JAK2: variants seen among roughly 807,000 people sequenced by gnomAD.
JAK2 encodes Janus kinase 2, also known as tyrosine-protein kinase JAK2.
JAK2 carries 86 observed loss-of-function variants against 139.3 expected under a neutral mutation model. The ratio of observed to expected loss-of-function variants is 0.62; its 90% CI spans 0.52 to 0.74. The LOEUF (loss-of-function observed/expected upper bound fraction) is 0.74, where lower values mean the gene tolerates loss of function less well. Among genes scored for constraint, JAK2 ranks in the 30% least tolerant of loss-of-function variants. JAK2 has a pLI of 0.00. For missense variants in JAK2, 1,421 were observed against 1,360.3 expected (o/e 1.04, Z -0.70); for synonymous variants, 490 against 437.7 (o/e 1.12, Z -1.49).
At chr9:5,122,429 C>A (rs529521103) in intron 22 of JAK2, among the ~76,000 whole-genome samples, 1 of 152,132 alleles carries the variant, frequency 6.6e-6, no homozygotes, top group East Asian at 1.9e-4. Context: ...TTTTCTCCAG[C>A]ATATTTATAT....
chr9:5,111,338 G>A (rs2130798133), intron 22 of JAK2: 1 of 427,074 alleles, frequency 2.3e-6, no homozygotes, highest in East Asian at 5.6e-5. Flanking sequence ...CCTCAGGCAT[G>A]AAGGGGACCT....
chr9:5,063,006 T>C (rs1818293844), intron 8 of JAK2, among the ~76,000 whole-genome samples: 1 of 152,186 alleles, frequency 6.6e-6, no homozygotes, highest in Admixed American at 6.5e-5. Context: ...CTTTTAATTT[T>C]GTTTAGGATA....
intron 19 of JAK2, among the ~76,000 whole-genome samples, chr9:5,089,370 C>G (rs926766214): frequency 6.6e-6 from 1 of 151,926 alleles, no homozygotes; most frequent in Non-Finnish European, 1.5e-5. Flanking sequence ...AACCCTGTCT[C>G]TACTAAATAT....
chr9:5,067,666 ATATTT>A (rs1818661102), intron 10 of JAK2, among the ~76,000 whole-genome samples: 1 of 151,882 alleles, frequency 6.6e-6, no homozygotes, highest in African/African-American at 2.4e-5. Context: ...ATATATATAT[ATATTT>A]TATGTTCACT....
intron 4 of JAK2, among the ~76,000 whole-genome samples, chr9:5,039,994 G>A (rs1377083577): frequency 1.3e-5 from 2 of 152,102 alleles, no homozygotes; most frequent in African/African-American, 2.4e-5. Flanking sequence ...AAGGGACTTA[G>A]CATAGCTAAA....
intron 18 of JAK2, among the ~76,000 whole-genome samples, chr9:5,081,393 G>C (rs1468937326): frequency 1.3e-5 from 2 of 152,022 alleles, no homozygotes; most frequent in Non-Finnish European, 2.9e-5. Flanking sequence ...ATACTGAGCT[G>C]AAATGCATGT....
Position 5,078,341 on chromosome 9 carries a change from C to T in JAK2, c.2028C>T (p.Ala676=), listed in dbSNP as rs773256302. The T allele has an allele frequency of 6.2e-7, 1 of 1,611,998 alleles. No individual in the cohort carries two copies. The highest frequency in any genetic ancestry group is 8.5e-7 in the Non-Finnish European group (1 of 1,178,628). The change falls in exon 16 of 25, where the codon GCC becomes GCT. Residue 676 remains alanine (A), a synonymous_variant. Coordinates refer to ENST00000381652, the MANE Select transcript of JAK2 (RefSeq NM_004972.4). ...ENTLIHGNVC[A]KNILLIREED... ...CCCTTATTCATGGGAATGTATGTGCCAAAAATATTCTGCTTATCAGAGAAG... is the reference window on the plus strand; with the variant it reads ...CCCTTATTCATGGGAATGTATGTGCTAAAAATATTCTGCTTATCAGAGAAG...
chr9:5,122,698 G>C (rs962689307), intron 22 of JAK2, among the ~76,000 whole-genome samples: 4 of 151,866 alleles, frequency 2.6e-5, no homozygotes, highest in Non-Finnish European at 4.4e-5. Context: ...GGCACTCTCC[G>C]CCTGGCACAT....
intron 4 of JAK2, among the ~76,000 whole-genome samples, chr9:5,038,805 C>T (rs768285386): frequency 1.1e-4 from 16 of 152,038 alleles, no homozygotes; most frequent in Non-Finnish European, 2.1e-4. Flanking sequence ...AGATGAAATA[C>T]TATGACCAGG....
chr9:4,998,756 C>T (rs1487660935), intron 2 of JAK2, among the ~76,000 whole-genome samples: 1 of 151,214 alleles, frequency 6.6e-6, no homozygotes, highest in Non-Finnish European at 1.5e-5. Context: ...AAAAAAACAA[C>T]AAAAAACCAA....
At chr9:5,085,453 T>G (rs897276016) in intron 19 of JAK2, 4 of 735,132 alleles carry the variant, frequency 5.4e-6, no homozygotes, top group African/African-American at 5.2e-5. Context: ...CTTGAAGGTC[T>G]TTTCAAGGTA....
rs1302672595 is a variant in JAK2 at position 5,022,044 on chromosome 9, A to T, written c.57A>T (p.Ile19=). Residue 19 remains isoleucine (I), a synonymous_variant, in exon 3 of 25, where the codon ATA becomes ATT. Transcript: ENST00000381652. ...TGGAGGGAACATCCACCTCTTCTAT[A>T]TATCAGAATGGTGATATTTCTGGAA... ...TEMEGTSTSS[I]YQNGDISGNA... is the part of the protein sequence containing the mutation. 2 of 1,614,172 alleles carry T rather than the reference A, an allele frequency of 1.2e-6. No individual in the cohort carries two copies. The highest frequency in any genetic ancestry group is 1.6e-4 in the Middle Eastern group (1 of 6,062).
At chr9:5,059,910 T>C (rs1009060879) in intron 8 of JAK2, among the ~76,000 whole-genome samples, 1 of 152,212 alleles carries the variant, frequency 6.6e-6, no homozygotes, top group African/African-American at 2.4e-5. Context: ...TTCTGATCAA[T>C]CTGTAGAGTC....
chr9:5,061,893 G>C (rs1818202443), intron 8 of JAK2, among the ~76,000 whole-genome samples: 1 of 152,154 alleles, frequency 6.6e-6, no homozygotes, highest in African/African-American at 2.4e-5. Flanking sequence ...AATACTCAGT[G>C]GTCATTGTAG....
In JAK2 at chr9:5,054,972, T is replaced by A; in HGVS notation, c.936+88T>A. ...GTAATTTTAATCATTTGCAACATGG[T>A]ATTGCACTTCTCCCATTTGATAGAA... On this transcript the variant is annotated intron_variant, in intron 7 of 24. Coordinates refer to ENST00000381652, the MANE Select transcript of JAK2 (RefSeq NM_004972.4). This position sits in a 1 kb window ranked among gnomAD's most constrained non-coding sequence, Gnocchi z 4.9. 1 of 926,900 alleles carries A rather than the reference T, an allele frequency of 1.1e-6. No homozygotes were observed. Among genetic ancestry groups the A allele is most frequent in the Non-Finnish European group, 1.6e-6 (1 of 625,716 alleles). The allele number at this position is 926,900 out of a possible 1,614,324, so 57.4% of individuals were successfully genotyped here.
intron 19 of JAK2, among the ~76,000 whole-genome samples, chr9:5,083,070 A>G (rs1819825375): frequency 6.6e-6 from 1 of 152,260 alleles, no homozygotes; most frequent in Non-Finnish European, 1.5e-5. Flanking sequence ...TGAATTAGGC[A>G]GTATTATTCA....
chr9:5,073,513 G>T (rs1404386422), intron 13 of JAK2, among the ~76,000 whole-genome samples, 185 bp from the exon 14 acceptor site: 1 of 152,070 alleles, frequency 6.6e-6, no homozygotes, highest in Non-Finnish European at 1.5e-5. Flanking sequence ...GCTTACACAG[G>T]GGTTTCCTCA....
intron 4 of JAK2, among the ~76,000 whole-genome samples, chr9:5,032,113 G>C (rs1823200378): frequency 6.6e-6 from 1 of 152,226 alleles, no homozygotes; most frequent in Non-Finnish European, 1.5e-5. Flanking sequence ...CCCGCGCCTG[G>C]CTCAGAGGGT....
At chr9:5,033,764 T>C (rs1042259403) in intron 4 of JAK2, among the ~76,000 whole-genome samples, 1 of 152,186 alleles carries the variant, frequency 6.6e-6, no homozygotes. Flanking sequence ...AAGGAACAAC[T>C]GGTACCAGCC....
Sources: allele counts gnomAD v4.1 joint callset (sites outside exome capture counted in the v4.1 genomes callset), GRCh38; gene constraint gnomAD v4.1.1; non-coding constraint Gnocchi (gnomAD v3.1); transcripts MANE v1.5; gene names NCBI Gene and HGNC (gene_info 2026-07-23, HGNC 2026-07-21).